Variants in APOBEC2 observed in about 807,000 individuals in gnomAD.
APOBEC2 encodes the protein C->U-editing enzyme APOBEC-2.
Under a neutral mutation model 19.4 loss-of-function variants are expected in APOBEC2, and 14 were observed. The ratio of observed to expected loss-of-function variants is 0.72; its 90% CI spans 0.48 to 1.13. The LOEUF (loss-of-function observed/expected upper bound fraction) is 1.13, where lower values mean the gene tolerates loss of function less well. Among genes scored for constraint, APOBEC2 ranks in the 50% most tolerant of loss-of-function variants. The pLI is 0.00. For missense variants in APOBEC2, 304 were observed against 277.0 expected (o/e 1.10, Z -0.69); for synonymous variants, 127 against 112.1 (o/e 1.13, Z -0.84).
chr6:41,055,508 T>C (rs1467420043), intron 1 of APOBEC2, among the ~76,000 whole-genome samples: 2 of 152,124 alleles, frequency 1.3e-5, no homozygotes, highest in Admixed American at 1.3e-4. Flanking sequence ...TTGAGATGCA[T>C]TCCCCCCAGG....
Position 41,053,440 on chromosome 6 carries a change from A to G in APOBEC2, c.93A>G (p.Lys31=). ...LENLDDPEKL[K]ELIELPPFEI... ...ACCTGGACGACCCTGAGAAGCTGAA[A>G]GAGCTGATTGAGCTGCCGCCCTTTG... is the stretch of plus-strand genomic sequence containing the variant. The change falls in exon 1 of 3, where the codon AAA becomes AAG. Residue 31 remains lysine (K), a synonymous_variant. Coordinates refer to ENST00000244669, the MANE Select transcript of APOBEC2 (RefSeq NM_006789.4). 6.2e-7 allele frequency: 1 copy of G among 1,614,218 alleles called. No homozygotes were observed. Among genetic ancestry groups the G allele is most frequent in the Non-Finnish European group, 8.5e-7 (1 of 1,180,022 alleles).
At chr6:41,058,151 C>CCCCA (rs1254569298) in intron 1 of APOBEC2, among the ~76,000 whole-genome samples, 61 of 69,072 alleles carry the variant, frequency 8.8e-4, no homozygotes, top group Admixed American at 2.5e-3. Context: ...CCACCCCACC[C>CCCCA]CACACACACA....
intron 1 of APOBEC2, among the ~76,000 whole-genome samples, chr6:41,057,982 T>C (rs1012366510): frequency 6.6e-6 from 1 of 152,156 alleles, no homozygotes; most frequent in Non-Finnish European, 1.5e-5. Context: ...CTGGTCTTGT[T>C]TGGAGAAAGT....
At chr6:41,063,426 T>C (rs1762904584) in intron 2 of APOBEC2, among the ~76,000 whole-genome samples, 2 of 151,988 alleles carry the variant, frequency 1.3e-5, no homozygotes, top group African/African-American at 2.4e-5. Flanking sequence ...AAACCCAACA[T>C]AGATTCTACA....
intron 2 of APOBEC2, among the ~76,000 whole-genome samples, 194 bp from the exon 3 acceptor site, chr6:41,063,907 A>G (rs561626667): frequency 2.7e-4 from 41 of 152,058 alleles, no homozygotes; most frequent in African/African-American, 9.4e-4. Context: ...CCACATCAAA[A>G]CATGAACGAA....
At chr6:41,058,533 A>T (rs1762831469) in intron 1 of APOBEC2, among the ~76,000 whole-genome samples, 1 of 152,196 alleles carries the variant, frequency 6.6e-6, no homozygotes, top group African/African-American at 2.4e-5. Flanking sequence ...CTACTTAAAA[A>T]AAACTGCTGG....
intron 1 of APOBEC2, among the ~76,000 whole-genome samples, chr6:41,053,945 G>A (rs1397899527): frequency 6.6e-6 from 1 of 152,212 alleles, no homozygotes; most frequent in Non-Finnish European, 1.5e-5. Context: ...GCTTCTTCCT[G>A]GAGTAGATGC....
intron 1 of APOBEC2, among the ~76,000 whole-genome samples, chr6:41,057,338 C>T (rs1237917067): frequency 6.6e-6 from 1 of 152,136 alleles, no homozygotes; most frequent in African/African-American, 2.4e-5. Context: ...AGGCAGCGCA[C>T]TGACTCTGGC....
chr6:41,060,929 CAT>C (rs1401632005), intron 1 of APOBEC2, among the ~76,000 whole-genome samples: 1 of 152,236 alleles, frequency 6.6e-6, no homozygotes, highest in African/African-American at 2.4e-5. Flanking sequence ...CACCTCTCCA[CAT>C]GTTCTGATTT....
intron 2 of APOBEC2, among the ~76,000 whole-genome samples, chr6:41,062,228 T>C (rs1762886517): frequency 6.6e-6 from 1 of 152,244 alleles, no homozygotes; most frequent in African/African-American, 2.4e-5. Context: ...GCAGAGAAGA[T>C]ACTGAAATCC....
intron 1 of APOBEC2, among the ~76,000 whole-genome samples, chr6:41,060,551 G>C (rs973182852): frequency 1.3e-5 from 2 of 152,220 alleles, no homozygotes; most frequent in Non-Finnish European, 2.9e-5. Flanking sequence ...CTGGAGGGCA[G>C]AGACCAAGTC....
Position 41,061,738 on chromosome 6 carries a change from C to A in APOBEC2, c.542C>A (p.Pro181His), listed in dbSNP as rs766065060. The part of the protein sequence containing the change: ...EAGCKLRIMK[P>H]QDFEYVWQNF... ...GGCTGTAAACTGCGCATCATGAAGC[C>A]CCAGGACTTCGAATATGTCTGGCAG... is the stretch of plus-strand genomic sequence containing the variant. Residue 181 changes from proline to histidine, a missense_variant, in exon 2 of 3, where the codon CCC (proline) becomes CAC (histidine). By Grantham distance (77) the Pro-to-His change is moderately conservative. Coordinates refer to ENST00000244669, the MANE Select transcript of APOBEC2 (RefSeq NM_006789.4). 1.2e-6 allele frequency: 2 copies of A among 1,614,078 alleles called. No homozygotes were observed. The highest frequency in any genetic ancestry group is 2.7e-5 in the African/African-American group (2 of 74,934).
intron 1 of APOBEC2, among the ~76,000 whole-genome samples, chr6:41,055,061 A>T (rs1384465837): frequency 6.6e-6 from 1 of 152,238 alleles, no homozygotes; most frequent in Non-Finnish European, 1.5e-5. Flanking sequence ...TTCAACACTC[A>T]GCACAAAGGT....
intron 1 of APOBEC2, among the ~76,000 whole-genome samples, chr6:41,058,045 G>A (rs934705771): frequency 2.0e-5 from 3 of 152,038 alleles, no homozygotes; most frequent in Non-Finnish European, 4.4e-5. Flanking sequence ...AGAGGGAATA[G>A]AAATCAGGCT....
intron 2 of APOBEC2, 38 bp downstream of exon 2, chr6:41,061,930 A>C: frequency 6.5e-7 from 1 of 1,531,968 alleles, no homozygotes; most frequent in Non-Finnish European, 8.8e-7. Context: ...ACACTTTATT[A>C]TGTTAACTCC....
chr6:41,056,346 C>T (rs1264607654), intron 1 of APOBEC2, among the ~76,000 whole-genome samples: 2 of 152,236 alleles, frequency 1.3e-5, no homozygotes, highest in Admixed American at 6.5e-5. Flanking sequence ...CTCTCAAACT[C>T]CTGGCTTCAA....
rs1260613018 is a variant in APOBEC2, at chr6:41,058,538, T to C, written c.132-2790T>C. 2.0e-5 allele frequency among the ~76,000 whole-genome samples: 3 copies of C among 152,266 alleles called. No individual in the cohort carries two copies. The East Asian group carries it at 5.8e-4, about 29-fold the overall frequency. On this transcript the variant is annotated intron_variant, in intron 1 of 2. Transcript: ENST00000244669. The stretch of plus-strand genomic sequence containing the variant: ...GCCTATCATGCTACTTAAAAAAAAC[T>C]GCTGGTGATGATTTAACAAGTTAGG...
chr6:41,063,796 TTTC>T (rs1223511600), intron 2 of APOBEC2, among the ~76,000 whole-genome samples: 2 of 148,000 alleles, frequency 1.4e-5, no homozygotes, highest in African/African-American at 5.2e-5. Context: ...TTATTTCATC[TTTC>T]TTTTTTTTTT....
intron 2 of APOBEC2, among the ~76,000 whole-genome samples, chr6:41,063,534 CTT>C (rs34638825): frequency 0.16 from 13,211 of 84,846 alleles, 519 homozygotes; most frequent in South Asian, 0.23. Context: ...GTCCTTAGAG[CTT>C]TTTTTTTTTT....
Sources: allele counts gnomAD v4.1 joint callset (sites outside exome capture counted in the v4.1 genomes callset), GRCh38; gene constraint gnomAD v4.1.1; transcripts MANE v1.5; gene names NCBI Gene and HGNC (gene_info 2026-07-23, HGNC 2026-07-21).